Variants in GPHN observed in about 807,000 individuals in gnomAD.
GPHN encodes gephyrin.
In GPHN, 17 loss-of-function variants were observed where a neutral mutation model predicts 95.5. The observed-to-expected ratio is 0.18, with a 90% CI of 0.12 to 0.27. The LOEUF is 0.27. Among genes scored for constraint, GPHN ranks in the 10% least tolerant of loss-of-function variants. The pLI is 1.00. For synonymous variants in GPHN, 320 were observed against 322.5 expected (o/e 0.99, Z 0.08); for missense variants, 660 against 978.1 (o/e 0.67, Z 4.34).
At chr14:67,544,465 A>G in the GPHN span, among the ~76,000 whole-genome samples, 1 of 152,212 alleles carries the variant, frequency 6.6e-6, no homozygotes, top group Admixed American at 6.5e-5. Context: ...AGAGGAATAT[A>G]TAATCAAAAA....
the GPHN span, chr14:67,616,480 CA>C: frequency 0.089 from 13,225 of 147,834 alleles, 585 homozygotes; most frequent in African/African-American, 0.13. Context: ...TCTGTAATTG[CA>C]AAAAAAAAAA....
intron 1 of GPHN, among the ~76,000 whole-genome samples, chr14:66,612,309 C>T (rs1157136502): frequency 6.6e-6 from 1 of 151,526 alleles, no homozygotes; most frequent in African/African-American, 2.4e-5. Flanking sequence ...ATTTATTGCC[C>T]TCAAACATTC....
At chr14:67,155,227 G>A (rs898650388) in intron 18 of GPHN, among the ~76,000 whole-genome samples, 1 of 152,166 alleles carries the variant, frequency 6.6e-6, no homozygotes, top group East Asian at 1.9e-4. Flanking sequence ...CCTTCACACG[G>A]ACTGAAATTC....
chr14:67,065,757 CT>C (rs201638278), intron 11 of GPHN, among the ~76,000 whole-genome samples: 382 of 128,464 alleles, frequency 3.0e-3, no homozygotes, highest in Non-Finnish European at 3.5e-3. Flanking sequence ...GCAACCCCTG[CT>C]TTTTTTTTTT....
chr14:66,633,676 G>A (rs1001438755), intron 1 of GPHN, among the ~76,000 whole-genome samples: 3 of 152,092 alleles, frequency 2.0e-5, no homozygotes, highest in Non-Finnish European at 2.9e-5. Flanking sequence ...TTTTGGGTAC[G>A]TATGTTTTCA....
chr14:66,508,724 T>A lies in GPHN; in HGVS notation c.64+133T>A, dbSNP rs1271091791. On this transcript the variant is annotated intron_variant, in intron 1 of 22. Coordinates refer to ENST00000478722, the MANE Select transcript of GPHN (RefSeq NM_020806.5). ...GAAGAAGGGAACCGCGGGGGTGCAT[T>A]TTACAACCGCTGAGAACCGCCGGAG... The A allele has an allele frequency of 1.2e-5, 10 of 816,824 alleles. 1 individual carries two copies. The Admixed American group carries it at 1.9e-4, about 16-fold the overall frequency. 50.6% of individuals were successfully genotyped at this position (816,824 alleles called of 1,614,324 possible). A position where few individuals can be genotyped will look rare whatever the true frequency, so the allele number is the denominator to read the frequency against.
chr14:67,094,608 G>A (rs1195367379), intron 12 of GPHN, among the ~76,000 whole-genome samples: 1 of 151,938 alleles, frequency 6.6e-6, no homozygotes, highest in Non-Finnish European at 1.5e-5. Flanking sequence ...CTCCGCTTCT[G>A]CCCTCTCCTA....
At chr14:67,312,625 TG>T in the GPHN span, 1 of 1,613,802 alleles carries the variant, frequency 6.2e-7, no homozygotes, top group African/African-American at 1.3e-5. Context: ...ATATACTTCA[TG>T]TGATCAGTCA....
At chr14:66,643,962 T>C (rs962092803) in intron 1 of GPHN, among the ~76,000 whole-genome samples, 4 of 151,962 alleles carry the variant, frequency 2.6e-5, no homozygotes, top group African/African-American at 9.7e-5. Flanking sequence ...ATAGGAGAAG[T>C]ATATGCATAA....
At chr14:66,695,100 A>G (rs1188462511) in intron 2 of GPHN, among the ~76,000 whole-genome samples, 1 of 152,148 alleles carries the variant, frequency 6.6e-6, no homozygotes, top group African/African-American at 2.4e-5. Flanking sequence ...CGGAGGTTTC[A>G]GTGAGCCGAG....
chr14:67,577,348 C>T, the GPHN span: 1 of 1,586,360 alleles, frequency 6.3e-7, no homozygotes, highest in Non-Finnish European at 8.6e-7. Flanking sequence ...GCAAAGACGG[C>T]CTATACGCCT....
intron 18 of GPHN, among the ~76,000 whole-genome samples, chr14:67,155,534 CAA>C (rs1010861760): frequency 2.0e-5 from 3 of 152,124 alleles, no homozygotes; most frequent in African/African-American, 7.2e-5. Context: ...AAAGGGATGA[CAA>C]AGTGGGAAAT....
intron 1 of GPHN, among the ~76,000 whole-genome samples, chr14:66,538,126 C>T (rs1363523801): frequency 6.6e-6 from 1 of 152,190 alleles, no homozygotes; most frequent in African/African-American, 2.4e-5. Context: ...GCCACCATGT[C>T]CAGCCTGAAT....
chr14:67,579,897 C>T, the GPHN span: 2 of 1,578,754 alleles, frequency 1.3e-6, no homozygotes, highest in Non-Finnish European at 1.7e-6. Flanking sequence ...CCCACTAAGC[C>T]AGCTGAGCCC....
the GPHN span, among the ~76,000 whole-genome samples, chr14:67,378,323 T>TC: frequency 6.6e-6 from 1 of 150,554 alleles, no homozygotes; most frequent in African/African-American, 2.4e-5. Context: ...ACTTTTTTTT[T>TC]TTTTTTTTTT....
chr14:67,404,729 G>A, the GPHN span, among the ~76,000 whole-genome samples: 1 of 151,948 alleles, frequency 6.6e-6, no homozygotes, highest in East Asian at 1.9e-4. Flanking sequence ...AGGATCATTT[G>A]AGCCTGGGAG....
At chr14:67,340,209 A>T in the GPHN span, 12 of 462,544 alleles carry the variant, frequency 2.6e-5, no homozygotes, top group East Asian at 3.8e-4. Context: ...AAACCTAAAC[A>T]GTTTCTCTGA....
At chr14:67,712,065 A>G in the GPHN span, among the ~76,000 whole-genome samples, 179 of 152,218 alleles carry the variant, frequency 1.2e-3, no homozygotes, top group African/African-American at 4.1e-3. Context: ...GATTACAGAC[A>G]TGTGCCACCA....
chr14:67,384,657 G>A, the GPHN span: 12 of 152,190 alleles, frequency 7.9e-5, no homozygotes, highest in Admixed American at 6.5e-4. Context: ...AAAGGGTCTG[G>A]AAAATAGAAG....
Sources: gnomAD v4.1 joint callset for allele counts (sites outside exome capture counted in the v4.1 genomes callset) on GRCh38, gnomAD v4.1.1 for gene constraint, MANE v1.5 for transcripts, NCBI Gene and HGNC (gene_info 2026-07-23, HGNC 2026-07-21) for gene names.